TRPM3: variants seen among roughly 807,000 people sequenced by gnomAD.
TRPM3 encodes transient receptor potential cation channel subfamily M member 3.
A neutral mutation model predicts 181.2 loss-of-function variants in TRPM3; 77 were observed. The ratio of observed to expected loss-of-function variants is 0.42; its 90% CI spans 0.35 to 0.51. The LOEUF (loss-of-function observed/expected upper bound fraction) is 0.51. TRPM3 is among the 20% of genes least tolerant of loss of function. The pLI is 0.01. For missense variants in TRPM3, 1,759 were observed against 2,196.7 expected (o/e 0.80, Z 3.98); for synonymous variants, 745 against 796.4 (o/e 0.94, Z 1.09).
intron 5 of TRPM3, among the ~76,000 whole-genome samples, chr9:70,835,461 C>T (rs75227361): frequency 0.029 from 4,381 of 152,128 alleles, 90 homozygotes; most frequent in Middle Eastern, 0.058. Context: ...CTAGTCCCCA[C>T]CCCCTTGCCA....
chr9:71,041,057 T>C (rs556235355), intron 1 of TRPM3, among the ~76,000 whole-genome samples: 31 of 152,278 alleles, frequency 2.0e-4, no homozygotes, highest in Admixed American at 3.9e-4. Flanking sequence ...TTACATAATA[T>C]TGTATTCATG....
At chr9:70,555,020 TGA>T (rs1482079904) in intron 22 of TRPM3, among the ~76,000 whole-genome samples, 2 of 152,226 alleles carry the variant, frequency 1.3e-5, no homozygotes, top group Non-Finnish European at 2.9e-5. Flanking sequence ...AGTCAAACTC[TGA>T]GAGTGCCTGG....
chr9:71,207,002 T>A (rs2079165043), intron 1 of TRPM3, among the ~76,000 whole-genome samples: 1 of 152,034 alleles, frequency 6.6e-6, no homozygotes, highest in Admixed American at 6.6e-5. Flanking sequence ...AGTAGTTGAG[T>A]TGGGTACAGA....
chr9:71,136,011 T>C (rs111696192), intron 1 of TRPM3, among the ~76,000 whole-genome samples: 163 of 152,380 alleles, frequency 1.1e-3, no homozygotes, highest in African/African-American at 3.7e-3. Flanking sequence ...TTAATTAACA[T>C]CAATTAGCTG....
chr9:70,785,398 C>G (rs1260752555), intron 6 of TRPM3, among the ~76,000 whole-genome samples: 2 of 152,094 alleles, frequency 1.3e-5, no homozygotes. Context: ...TCCTTTTGTT[C>G]AATTTGGTAT....
rs553426028 is a variant in TRPM3, at chr9:71,324,531, G to A, written c.183+122122C>T. 4.0e-5 allele frequency among the ~76,000 whole-genome samples: 6 copies of A among 151,846 alleles called. No individual in the cohort carries two copies. In the East Asian group the frequency reaches 1.2e-3, roughly 29 times the overall value. ...ACACTGTTGATGGGAATGTGATCTA[G>A]TATATCCACTATGGAAAACAGTATG... is the stretch of plus-strand genomic sequence containing the variant. On this transcript the variant is annotated intron_variant, in intron 1 of 24. Coordinates refer to the TRPM3 transcript ENST00000357533.
At position 71,026,870 on chromosome 9, in the gene TRPM3, G is replaced by T. The variant is rs1433204773; in HGVS notation, c.177+94308C>A. ...AACACACACACAGTCGCAGGTGGGG[G>T]ACCCTGGCCCCCCAAGTTGTACTGC... On this transcript the variant is annotated intron_variant, in intron 1 of 25. Transcript: ENST00000677713. Among the ~76,000 whole-genome samples, 3 of 152,282 alleles carry T rather than the reference G, an allele frequency of 2.0e-5. No homozygotes were observed. The East Asian group carries it at 5.8e-4, about 29-fold the overall frequency.
chr9:70,779,294 G>T (rs553604220), intron 7 of TRPM3, among the ~76,000 whole-genome samples: 2 of 152,160 alleles, frequency 1.3e-5, no homozygotes, highest in East Asian at 1.9e-4. Flanking sequence ...AAACTTGAAG[G>T]CTTTCTGCTA....
chr9:70,566,164 T>C (rs1588506983), intron 22 of TRPM3, among the ~76,000 whole-genome samples: 1 of 152,056 alleles, frequency 6.6e-6, no homozygotes. Flanking sequence ...CAGTAGGTGA[T>C]AAATGCTGTG....
intron 8 of TRPM3, among the ~76,000 whole-genome samples, chr9:70,739,740 C>T (rs2073598498): frequency 6.6e-6 from 1 of 152,040 alleles, no homozygotes; most frequent in Non-Finnish European, 1.5e-5. Flanking sequence ...GAGGGATTCT[C>T]CTGATTAGGT....
At chr9:71,137,964 A>T (rs994833212) in intron 1 of TRPM3, among the ~76,000 whole-genome samples, 1 of 152,024 alleles carries the variant, frequency 6.6e-6, no homozygotes, top group Non-Finnish European at 1.5e-5. Context: ...AAATGCAAAA[A>T]TTAGCCAGGT....
chr9:71,207,966 T>C (rs2079228823), intron 1 of TRPM3, among the ~76,000 whole-genome samples: 1 of 152,168 alleles, frequency 6.6e-6, no homozygotes, highest in South Asian at 2.1e-4. Context: ...CCTTCTTAGT[T>C]CTACAGTTAA....
intron 1 of TRPM3, among the ~76,000 whole-genome samples, chr9:71,433,379 T>A (rs771708893): frequency 6.6e-6 from 1 of 152,192 alleles, no homozygotes; most frequent in African/African-American, 2.4e-5. Context: ...CCTCCTTCGT[T>A]TGGCATGTCT....
intron 1 of TRPM3, among the ~76,000 whole-genome samples, chr9:71,416,185 G>C (rs1175720862): frequency 1.3e-5 from 2 of 151,772 alleles, no homozygotes; most frequent in South Asian, 4.1e-4. Context: ...TAAATCAGTG[G>C]AGAAGATTTA....
intron 10 of TRPM3, among the ~76,000 whole-genome samples, chr9:70,639,943 C>T (rs1176331938): frequency 2.0e-5 from 3 of 152,142 alleles, no homozygotes; most frequent in Admixed American, 2.0e-4. Flanking sequence ...GGCACAGAAA[C>T]CGAGTTTCAG....
chr9:71,000,605 C>A (rs890408558), intron 1 of TRPM3, among the ~76,000 whole-genome samples: 1 of 152,224 alleles, frequency 6.6e-6, no homozygotes, highest in East Asian at 1.9e-4. Flanking sequence ...AGTTTTATTA[C>A]CTTTAGAACT....
At chr9:70,753,729 G>C (rs539833558) in intron 8 of TRPM3, among the ~76,000 whole-genome samples, 7 of 152,272 alleles carry the variant, frequency 4.6e-5, no homozygotes, top group East Asian at 1.9e-4. Flanking sequence ...TGGTGGGAGG[G>C]GGGAGGTAGG....
chr9:70,821,300 G>A (rs1198999633), intron 6 of TRPM3, among the ~76,000 whole-genome samples: 1 of 152,292 alleles, frequency 6.6e-6, no homozygotes, highest in Admixed American at 6.5e-5. Flanking sequence ...TTATTCAGAG[G>A]TGGAAGTAGG....
At chr9:70,852,373 T>A (rs1343644361) in intron 3 of TRPM3, among the ~76,000 whole-genome samples, 4 of 151,882 alleles carry the variant, frequency 2.6e-5, no homozygotes, top group Non-Finnish European at 5.9e-5. Context: ...AGTATGGGAG[T>A]GCTCACAGCC....
Sources: allele counts gnomAD v4.1 joint callset (sites outside exome capture counted in the v4.1 genomes callset), GRCh38; gene constraint gnomAD v4.1.1; transcripts MANE v1.5; gene names NCBI Gene and HGNC (gene_info 2026-07-23, HGNC 2026-07-21).